The following RUNX1 variants were observed in gnomAD, a reference collection of about 807,000 sequenced individuals.
The protein encoded by RUNX1 is RUNX family transcription factor 1.
Under a neutral mutation model 42.8 loss-of-function variants are expected in RUNX1, and 19 were observed. The ratio of observed to expected loss-of-function variants is 0.44; its 90% CI spans 0.31 to 0.65. RUNX1 has a LOEUF of 0.65. Among genes scored for constraint, RUNX1 ranks in the 30% least tolerant of loss-of-function variants. The pLI, the probability that RUNX1 is intolerant of heterozygous loss-of-function variation, is 0.07. For synonymous variants in RUNX1, 271 were observed against 289.4 expected (o/e 0.94, Z 0.64); for missense variants, 528 against 672.0 (o/e 0.79, Z 2.37).
chr21:34,967,043 C>A (rs371229289), intron 2 of RUNX1, among the ~76,000 whole-genome samples: 1 of 151,952 alleles, frequency 6.6e-6, no homozygotes, highest in Non-Finnish European at 1.5e-5. Context: ...CATTCACAAA[C>A]GTGTTTTTAA....
At chr21:34,862,224 C>T (rs1463044317) in intron 5 of RUNX1, among the ~76,000 whole-genome samples, 1 of 152,076 alleles carries the variant, frequency 6.6e-6, no homozygotes, top group African/African-American at 2.4e-5. Context: ...TCCTCATCAG[C>T]AAAATGAGGG....
intron 6 of RUNX1, among the ~76,000 whole-genome samples, chr21:34,845,929 A>C (rs1052985437): frequency 1.3e-5 from 2 of 152,180 alleles, no homozygotes; most frequent in African/African-American, 4.8e-5. Flanking sequence ...TTCAATAGGG[A>C]AGTGGTGTGG....
chr21:34,943,168 A>G (rs2058540077), intron 2 of RUNX1, among the ~76,000 whole-genome samples: 1 of 152,226 alleles, frequency 6.6e-6, no homozygotes, highest in Admixed American at 6.5e-5. Context: ...GCTTCAGTGA[A>G]AACAAACTAA....
intron 3 of RUNX1, chr21:34,888,648 C>G: frequency 9.5e-7 from 1 of 1,051,082 alleles, no homozygotes; most frequent in Non-Finnish European, 1.1e-6. Flanking sequence ...TGGCTGGGTC[C>G]GGCCGCGGGG....
intron 7 of RUNX1, among the ~76,000 whole-genome samples, chr21:34,828,902 A>G (rs544932190): frequency 2.0e-5 from 3 of 152,294 alleles, no homozygotes; most frequent in South Asian, 2.1e-4. Context: ...TACCCAGTCT[A>G]TAATATATAA....
chr21:34,948,201 A>C (rs1261992638), intron 2 of RUNX1, among the ~76,000 whole-genome samples: 2 of 152,126 alleles, frequency 1.3e-5, no homozygotes, highest in Admixed American at 6.5e-5. Flanking sequence ...TAAATTAAAA[A>C]GCCAAACATC....
At position 35,041,905 on chromosome 21, in the gene RUNX1, T is replaced by C. The variant is rs191800238; in HGVS notation, c.58+6937A>G. Among the ~76,000 whole-genome samples the C allele has an allele frequency of 4.7e-3, 722 of 152,298 alleles. 2 individuals are homozygous for C. Among genetic ancestry groups the C allele is most frequent in the Non-Finnish European group, 6.0e-3 (407 of 68,018 alleles). ...TTATGAAGGGCCATTTGAAAGAAGG[T>C]TTCCCTCTTTTGTAGAAAAGAATTC... On this transcript the variant is annotated intron_variant, in intron 2 of 8. Transcript: ENST00000675419.
intron 5 of RUNX1, among the ~76,000 whole-genome samples, chr21:34,861,818 A>G (rs1442098368): frequency 6.6e-6 from 1 of 152,160 alleles, no homozygotes; most frequent in Non-Finnish European, 1.5e-5. Flanking sequence ...CTTGATGACT[A>G]CATTTTGCTT....
chr21:35,002,386 A>T (rs1019941435), intron 2 of RUNX1, among the ~76,000 whole-genome samples: 33 of 13,690 alleles, frequency 2.4e-3, no homozygotes, highest in African/African-American at 7.3e-3. Flanking sequence ...AGCACATTTT[A>T]TTTATTTATT....
chr21:34,861,868 T>C (rs1393650341), intron 5 of RUNX1, among the ~76,000 whole-genome samples: 1 of 152,076 alleles, frequency 6.6e-6, no homozygotes, highest in African/African-American at 2.4e-5. Context: ...TCCTTCACCT[T>C]TGATTATTTA....
intron 6 of RUNX1, among the ~76,000 whole-genome samples, chr21:34,840,135 C>G (rs934607728): frequency 3.3e-5 from 5 of 152,152 alleles, no homozygotes; most frequent in African/African-American, 1.2e-4. Context: ...AGGTGAACCC[C>G]AGATTCTCAA....
At chr21:34,821,739 G>T (rs1005439062) in intron 7 of RUNX1, 3 of 1,529,192 alleles carry the variant, frequency 2.0e-6, no homozygotes, top group Admixed American at 1.9e-5. Context: ...TCGAAAATAA[G>T]GACAATTCTT....
At chr21:35,014,802 G>A (rs2146924356) in intron 2 of RUNX1, among the ~76,000 whole-genome samples, 1 of 152,364 alleles carries the variant, frequency 6.6e-6, no homozygotes, top group Middle Eastern at 3.4e-3. Context: ...TGTGTGCCAT[G>A]GAGCCCTCAG....
chr21:34,922,961 T>G (rs920115808), intron 2 of RUNX1, among the ~76,000 whole-genome samples: 2 of 152,184 alleles, frequency 1.3e-5, no homozygotes, highest in Non-Finnish European at 2.9e-5. Flanking sequence ...TCCTTAGAGG[T>G]AGGTTCTATG....
At chr21:34,916,126 T>A (rs529671188) in intron 2 of RUNX1, among the ~76,000 whole-genome samples, 5 of 152,330 alleles carry the variant, frequency 3.3e-5, no homozygotes, top group Admixed American at 6.5e-5. Context: ...AAGTCACTGA[T>A]TGATTTTCTG....
chr21:34,906,140 A>C (rs747060660), intron 2 of RUNX1, among the ~76,000 whole-genome samples: 9 of 152,216 alleles, frequency 5.9e-5, no homozygotes, highest in Non-Finnish European at 1.3e-4. Context: ...CTAATATATA[A>C]GTGTACATAC....
chr21:34,991,668 G>A (rs1210412301), intron 2 of RUNX1, among the ~76,000 whole-genome samples: 1 of 152,194 alleles, frequency 6.6e-6, no homozygotes, highest in Non-Finnish European at 1.5e-5. Context: ...CTACAAAGTG[G>A]TAGATAGGGG....
Position 34,792,420 on chromosome 21 carries a change from G to A in RUNX1, c.1158C>T (p.Pro386=), listed in dbSNP as rs1317733811. 1.9e-6 allele frequency: 3 copies of A among 1,570,892 alleles called. No homozygotes were observed. The change falls in exon 9 of 9, where the codon CCC becomes CCT. Residue 386 remains proline (P), a synonymous_variant. Transcript: ENST00000675419. This position sits in a 1 kb window ranked among gnomAD's most constrained non-coding sequence, Gnocchi z 6.9. ...GGCCTCCCTGCGCTTGCGACGAGCC[G>A]GGGTAGGGCGGCGGCAGGTAGGTGT... ...RYHTYLPPPY[P]GSSQAQGGPF...
At chr21:34,922,927 TATC>T (rs2058364826) in intron 2 of RUNX1, among the ~76,000 whole-genome samples, 2 of 152,228 alleles carry the variant, frequency 1.3e-5, no homozygotes, top group Admixed American at 1.3e-4. Context: ...TCACCTTCAT[TATC>T]ATTCTAAATC....
Sources: allele counts gnomAD v4.1 joint callset (sites outside exome capture counted in the v4.1 genomes callset), GRCh38; gene constraint gnomAD v4.1.1; non-coding constraint Gnocchi (gnomAD v3.1); transcripts MANE v1.5; gene names NCBI Gene and HGNC (gene_info 2026-07-23, HGNC 2026-07-21).